ZFHX4: variants seen among roughly 807,000 people sequenced by gnomAD.
ZFHX4 encodes zinc finger homeobox 4.
ZFHX4 carries 56 observed loss-of-function variants against 267.6 expected under a neutral mutation model. The observed-to-expected ratio is 0.21, with a 90% confidence interval of 0.17 to 0.26. ZFHX4 has a LOEUF of 0.26. Among genes scored for constraint, ZFHX4 ranks in the 10% least tolerant of loss-of-function variants. ZFHX4 has a pLI of 1.00. For synonymous variants in ZFHX4, 1,778 were observed against 1,665.6 expected (o/e 1.07, Z -1.64); for missense variants, 4,332 against 4,420.0 (o/e 0.98, Z 0.56).
At chr8:76,757,899 TG>T (rs1448496581) in intron 3 of ZFHX4, among the ~76,000 whole-genome samples, 2 of 152,178 alleles carry the variant, frequency 1.3e-5, no homozygotes, top group African/African-American at 4.8e-5. Context: ...CAGCAGGTGA[TG>T]GTGGACCAGG....
chr8:76,837,581 GCATGTGGACTCT>G (rs1812125663), intron 5 of ZFHX4, among the ~76,000 whole-genome samples: 1 of 151,532 alleles, frequency 6.6e-6, no homozygotes, highest in African/African-American at 2.4e-5. Context: ...GGCTGGGGTA[GCATGTGGACTCT>G]TCCTTTTCTT....
intron 4 of ZFHX4, among the ~76,000 whole-genome samples, chr8:76,797,174 GT>G (rs1040996802): frequency 1.3e-5 from 2 of 152,144 alleles, no homozygotes; most frequent in African/African-American, 4.8e-5. Context: ...AGTATAGGTG[GT>G]TTTGCACACT....
chr8:76,848,904 G>C (rs1812433239), intron 6 of ZFHX4, 91 bp from the exon 7 acceptor site: 1 of 1,260,438 alleles, frequency 7.9e-7, no homozygotes, highest in Non-Finnish European at 1.1e-6. Flanking sequence ...GATTCAGTGT[G>C]TTTAGAGTCG....
intron 6 of ZFHX4, among the ~76,000 whole-genome samples, chr8:76,846,231 T>A (rs1407180951): frequency 6.6e-6 from 1 of 152,068 alleles, no homozygotes; most frequent in Non-Finnish European, 1.5e-5. Flanking sequence ...TTACAAATAA[T>A]CCTGATGACT....
Position 76,854,105 on chromosome 8 carries a change from C to T in ZFHX4, c.7184C>T (p.Pro2395Leu), listed in dbSNP as rs767393015. The change falls in exon 10 of 11, where the codon CCC (proline) becomes CTC (leucine). Residue 2395 changes from proline to leucine, a missense_variant. Coordinates refer to ENST00000651372, the MANE Select transcript of ZFHX4 (RefSeq NM_024721.5). ...ACCAGCACCCCCCTGATTCCATCACCCAAACCAGAACCTGAGAAGACTTCT... is the reference window on the plus strand; with the variant it reads ...ACCAGCACCCCCCTGATTCCATCACTCAAACCAGAACCTGAGAAGACTTCT... ...SGTSTPLIPSPKPEPEKTSPK... is the reference protein window; with the variant it reads ...SGTSTPLIPSLKPEPEKTSPK... 6.2e-7 allele frequency: 1 copy of T among 1,613,830 alleles called. No individual in the cohort carries two copies. Among genetic ancestry groups the T allele is most frequent in the Non-Finnish European group, 8.5e-7 (1 of 1,179,842 alleles).
intron 1 of ZFHX4, among the ~76,000 whole-genome samples, chr8:76,685,731 A>C (rs1807676435): frequency 6.6e-6 from 1 of 152,186 alleles, no homozygotes; most frequent in African/African-American, 2.4e-5. Context: ...GTATTGGGGC[A>C]GAGGAGTTTT....
rs1808222658 is a variant in ZFHX4, at chr8:76,705,258, C to T, written c.1170C>T (p.Ser390=). 1 of 1,613,872 alleles carries T rather than the reference C, an allele frequency of 6.2e-7. No homozygotes were observed. Among genetic ancestry groups the T allele is most frequent in the African/African-American group, 1.3e-5 (1 of 74,930 alleles). ...AFLKGSASTS[S]SAEQPLGITQ... ...TAAAAGGAAGCGCGAGCACCTCGAG[C>T]TCAGCAGAGCAGCCGCTGGGGATTA... Residue 390 remains serine (S), a synonymous_variant, in exon 2 of 11, where the codon AGC becomes AGT. Transcript: ENST00000651372.
rs113179965 is a variant in ZFHX4, at chr8:76,803,976, G to A, written c.3325+25537G>A. On this transcript the variant is annotated intron_variant, in intron 4 of 10. Transcript: ENST00000651372. ...AACATTTGATTATAATTCAGACTTA[G>A]AATTTTTGCATTAAGTCCAGCAGTC... Among the ~76,000 whole-genome samples, 705 of 152,128 alleles carry A rather than the reference G, an allele frequency of 4.6e-3. 8 individuals are homozygous for A. The highest frequency in any genetic ancestry group is 0.014 in the African/African-American group (590 of 41,516).
At chr8:76,835,231 A>ACATATATATG (rs1554572163) in intron 5 of ZFHX4, among the ~76,000 whole-genome samples, 8 of 124,790 alleles carry the variant, frequency 6.4e-5, no homozygotes, top group African/African-American at 2.1e-4. Flanking sequence ...ATATATATAT[A>ACATATATATG]TATATATATG....
At chr8:76,858,774 G>T (rs1812795563) in intron 10 of ZFHX4, among the ~76,000 whole-genome samples, 1 of 152,140 alleles carries the variant, frequency 6.6e-6, no homozygotes, top group South Asian at 2.1e-4. Flanking sequence ...AAAATCAAAA[G>T]AACATTATAA....
chr8:76,747,127 T>G (rs2131697605), intron 3 of ZFHX4, among the ~76,000 whole-genome samples: 1 of 152,340 alleles, frequency 6.6e-6, no homozygotes, highest in South Asian at 2.1e-4. Context: ...TTATGGTAAC[T>G]TCTGAAACTA....
intron 1 of ZFHX4, among the ~76,000 whole-genome samples, chr8:76,699,810 G>A (rs1808056442): frequency 6.7e-6 from 1 of 150,158 alleles, no homozygotes; most frequent in Non-Finnish European, 1.5e-5. Context: ...TAACAATAAG[G>A]AATTTAAGCC....
intron 3 of ZFHX4, among the ~76,000 whole-genome samples, chr8:76,722,989 C>T (rs889855320): frequency 1.3e-5 from 2 of 152,024 alleles, no homozygotes; most frequent in Non-Finnish European, 2.9e-5. Flanking sequence ...TGTAGCCATA[C>T]TCATCAACTT....
rs1807979162 is a variant in ZFHX4 at position 76,697,094 on chromosome 8, T to C, written c.-46-6949T>C. ...TTAAAAATATGTACCTACGCTATTATACTTAGTTATAGTGGTTATGAGATC... is the reference window on the plus strand; with the variant it reads ...TTAAAAATATGTACCTACGCTATTACACTTAGTTATAGTGGTTATGAGATC... On this transcript the variant is annotated intron_variant, in intron 1 of 10. Transcript: ENST00000651372. Among the ~76,000 whole-genome samples the C allele has an allele frequency of 2.0e-5, 3 of 152,142 alleles. No homozygotes were observed. In the South Asian group the frequency reaches 6.2e-4, roughly 31 times the overall value.
intron 3 of ZFHX4, among the ~76,000 whole-genome samples, chr8:76,744,115 G>A (rs1290566768): frequency 1.3e-5 from 2 of 152,098 alleles, no homozygotes; most frequent in South Asian, 2.1e-4. Context: ...AGAGGCTGAG[G>A]TGGGTGGATC....
chr8:76,794,923 C>T (rs1483986380), intron 4 of ZFHX4, among the ~76,000 whole-genome samples: 1 of 149,878 alleles, frequency 6.7e-6, no homozygotes, highest in African/African-American at 2.5e-5. Context: ...ACAAATCAAG[C>T]CTCTTCTCAG....
At chr8:76,843,232 C>T (rs934855552) in intron 6 of ZFHX4, among the ~76,000 whole-genome samples, 1 of 152,132 alleles carries the variant, frequency 6.6e-6, no homozygotes, top group Non-Finnish European at 1.5e-5. Context: ...TGCAGTTTTC[C>T]TTGCTTTTTT....
At chr8:76,830,884 G>A (rs778176226) in intron 4 of ZFHX4, among the ~76,000 whole-genome samples, 1 of 152,054 alleles carries the variant, frequency 6.6e-6, no homozygotes, top group Non-Finnish European at 1.5e-5. Flanking sequence ...TGCTTTCCCC[G>A]CAACTTGGTT....
At position 76,851,760 on chromosome 8, in the gene ZFHX4, G is replaced by T; in HGVS notation, c.4839G>T (p.Arg1613Ser). 1 of 1,613,942 alleles carries T rather than the reference G, an allele frequency of 6.2e-7. No individual in the cohort carries two copies. Among genetic ancestry groups the T allele is most frequent in the African/African-American group, 1.3e-5 (1 of 75,046 alleles). ...SQSSTLEIHM[R>S]SVLHQTKARA... is the part of the protein sequence containing the mutation. ...GCTCAACATTGGAAATCCACATGAG[G>T]TCTGTGCTCCACCAGACAAAGGCTA... Residue 1613 changes from arginine to serine, a missense_variant, in exon 10 of 11, where the codon AGG becomes AGT. This residue lies in a region of ZFHX4 where 1,371 missense variants were observed against 1,423.1 expected (regional missense o/e 0.96). Coordinates refer to ENST00000651372, the MANE Select transcript of ZFHX4 (RefSeq NM_024721.5).
Sources: gnomAD v4.1 joint callset for allele counts (sites outside exome capture counted in the v4.1 genomes callset) on GRCh38, gnomAD v4.1.1 for gene constraint, gnomAD v4.1.1 regional missense constraint, MANE v1.5 for transcripts, NCBI Gene and HGNC (gene_info 2026-07-23, HGNC 2026-07-21) for gene names.